Variants in OPCML observed in about 807,000 individuals in gnomAD.
OPCML encodes opioid-binding protein/cell adhesion molecule.
A neutral mutation model predicts 37.8 loss-of-function variants in OPCML; 13 were observed. The observed-to-expected ratio is 0.34, with a 90% CI of 0.22 to 0.55. The LOEUF (loss-of-function observed/expected upper bound fraction) is 0.55, where lower values mean the gene tolerates loss of function less well. Ranked by LOEUF, OPCML falls within the 20% of genes least tolerant of loss-of-function variation. The probability of loss-of-function intolerance (pLI) is 0.91; values close to 1 mark genes in which losing one functional copy is unlikely to be tolerated. For missense variants in OPCML, 341 were observed against 435.6 expected (o/e 0.78, Z 1.93); for synonymous variants, 176 against 168.8 (o/e 1.04, Z -0.33).
chr11:133,183,126 TACAGA>T (rs1254637178), intron 1 of OPCML, among the ~76,000 whole-genome samples: 15 of 152,164 alleles, frequency 9.9e-5, no homozygotes, highest in Admixed American at 9.8e-4. Context: ...TATAAATACC[TACAGA>T]AAAGGAAACT....
rs138156629 is a variant in OPCML at position 133,392,985 on chromosome 11, C to A, written c.61+139279G>T. 8.3e-3 allele frequency among the ~76,000 whole-genome samples: 1,251 copies of A among 151,456 alleles called. 14 individuals are homozygous for A. The highest frequency in any genetic ancestry group is 0.028 in the African/African-American group (1,164 of 41,128). On this transcript the variant is annotated intron_variant, in intron 1 of 7. Transcript: ENST00000524381. The stretch of plus-strand genomic sequence containing the variant: ...TGAGGTTGAAGGTGGCAATGCCCTG[C>A]CTTCTTGTTTCAGCTCTTATATTAT...
At chr11:132,660,730 G>A (rs1464880436) in intron 2 of OPCML, among the ~76,000 whole-genome samples, 1 of 152,172 alleles carries the variant, frequency 6.6e-6, no homozygotes, top group Non-Finnish European at 1.5e-5. Context: ...GCAATCAGGT[G>A]CCATTGCCTT....
chr11:132,471,113 AT>A (rs2096136827), intron 4 of OPCML, among the ~76,000 whole-genome samples: 2 of 152,194 alleles, frequency 1.3e-5, no homozygotes, highest in South Asian at 4.1e-4. Context: ...TGATCGATGA[AT>A]TTGGTAACGC....
At chr11:132,447,417 G>T (rs183424433) in intron 4 of OPCML, among the ~76,000 whole-genome samples, 1 of 152,042 alleles carries the variant, frequency 6.6e-6, no homozygotes, top group African/African-American at 2.4e-5. Flanking sequence ...TCCTGCCTCA[G>T]CCTCCTGAAT....
At chr11:132,470,968 C>T (rs2096136399) in intron 4 of OPCML, among the ~76,000 whole-genome samples, 1 of 152,092 alleles carries the variant, frequency 6.6e-6, no homozygotes, top group East Asian at 1.9e-4. Context: ...AAAAGGAGAA[C>T]CTCAGATAGA....
At chr11:133,459,153 A>C (rs1312073108) in intron 1 of OPCML, among the ~76,000 whole-genome samples, 1 of 152,104 alleles carries the variant, frequency 6.6e-6, no homozygotes, top group Non-Finnish European at 1.5e-5. Context: ...GCATCAATTT[A>C]ACAAAGATTG....
chr11:133,411,213 C>T (rs1432128177), intron 1 of OPCML, among the ~76,000 whole-genome samples: 5 of 152,242 alleles, frequency 3.3e-5, no homozygotes, highest in South Asian at 2.1e-4. Flanking sequence ...ATGGGTGCCT[C>T]GGTGGTACCC....
At chr11:133,215,515 C>T (rs770019972) in intron 1 of OPCML, among the ~76,000 whole-genome samples, 2 of 152,168 alleles carry the variant, frequency 1.3e-5, no homozygotes, top group South Asian at 2.1e-4. Context: ...GTGTATTCCA[C>T]GTCCTATTCC....
At chr11:132,811,133 G>A (rs1380617014) in intron 2 of OPCML, among the ~76,000 whole-genome samples, 2 of 152,114 alleles carry the variant, frequency 1.3e-5, no homozygotes, top group Non-Finnish European at 1.5e-5. Context: ...AAAGGGTTTA[G>A]TATCTTGTAA....
intron 1 of OPCML, among the ~76,000 whole-genome samples, chr11:133,325,431 C>T (rs1943427516): frequency 6.6e-6 from 1 of 152,136 alleles, no homozygotes; most frequent in Non-Finnish European, 1.5e-5. Flanking sequence ...AAACAATTTA[C>T]CTTTTGTCAT....
intron 2 of OPCML, among the ~76,000 whole-genome samples, chr11:132,800,970 G>T (rs1202279264): frequency 6.6e-6 from 1 of 152,148 alleles, no homozygotes; most frequent in African/African-American, 2.4e-5. Context: ...GTGAAGAATT[G>T]ATATTATTTC....
Position 133,458,448 on chromosome 11 carries a change from A to G in OPCML, c.61+73816T>C, listed in dbSNP as rs1367328845. ...TATACACATATATACACGTGTGTGT[A>G]TATATATACACATATATACACGTGT... is the stretch of plus-strand genomic sequence containing the variant. On this transcript the variant is annotated intron_variant, in intron 1 of 7. Transcript: ENST00000524381. Among the ~76,000 whole-genome samples, 9 of 82,204 alleles carry G rather than the reference A, an allele frequency of 1.1e-4. 2 individuals carry two copies. Among genetic ancestry groups the G allele is most frequent in the South Asian group, 6.2e-4 (2 of 3,234 alleles). The allele number at this position is 82,204 out of a possible 152,430, so 53.9% of individuals were successfully genotyped here.
intron 1 of OPCML, among the ~76,000 whole-genome samples, chr11:133,135,494 T>C (rs1231034206): frequency 2.0e-5 from 3 of 151,274 alleles, no homozygotes; most frequent in Non-Finnish European, 4.4e-5. Flanking sequence ...GTTTTTGAGA[T>C]AGGAGGGTTT....
At position 132,670,055 on chromosome 11, in the gene OPCML, A is replaced by G. The variant is rs1306862480; in HGVS notation, c.147-12736T>C. Among the ~76,000 whole-genome samples, 4 of 152,250 alleles carry G rather than the reference A, an allele frequency of 2.6e-5. No individual in the cohort carries two copies. The East Asian group carries it at 5.8e-4, about 22-fold the overall frequency. ...TAAAATTCAGCCTCCCAATTTTTTC[A>G]TTATGCTTGGCAAAGAAGTGAGCAA... On this transcript the variant is annotated intron_variant, in intron 2 of 7. Transcript: ENST00000524381.
intron 1 of OPCML, among the ~76,000 whole-genome samples, chr11:132,954,768 G>A (rs979731461): frequency 6.6e-6 from 1 of 152,186 alleles, no homozygotes; most frequent in African/African-American, 2.4e-5. Flanking sequence ...GGAGTGAGAA[G>A]AAATGTGGCA....
At chr11:132,441,165 G>GTTTTTT (rs68143578) in intron 4 of OPCML, among the ~76,000 whole-genome samples, 8 of 72,394 alleles carry the variant, frequency 1.1e-4, no homozygotes, top group African/African-American at 2.2e-4. Flanking sequence ...GGACTTTTTT[G>GTTTTTT]TTTTTTTTTT....
chr11:133,395,042 C>A (rs1945257119), intron 1 of OPCML, among the ~76,000 whole-genome samples: 1 of 152,132 alleles, frequency 6.6e-6, no homozygotes, highest in South Asian at 2.1e-4. Context: ...TTTGTTATTG[C>A]CTGACTATTG....
At chr11:133,501,258 C>T (rs1239486343) in intron 1 of OPCML, among the ~76,000 whole-genome samples, 2 of 152,140 alleles carry the variant, frequency 1.3e-5, no homozygotes, top group Non-Finnish European at 2.9e-5. Flanking sequence ...CCAGGGATGA[C>T]GTTCCCCTTC....
At chr11:132,816,901 G>C (rs1290863855) in intron 2 of OPCML, among the ~76,000 whole-genome samples, 1 of 152,172 alleles carries the variant, frequency 6.6e-6, no homozygotes, top group Non-Finnish European at 1.5e-5. Context: ...AAAATGAGGC[G>C]TGAAGAGGGA....
Sources: allele counts gnomAD v4.1 joint callset (sites outside exome capture counted in the v4.1 genomes callset), GRCh38; gene constraint gnomAD v4.1.1; transcripts MANE v1.5; gene names NCBI Gene and HGNC (gene_info 2026-07-23, HGNC 2026-07-21).